The following TMEM132C variants were observed in gnomAD, a reference collection of about 807,000 sequenced individuals.
The protein encoded by TMEM132C is transmembrane protein 132C.
TMEM132C carries 29 observed loss-of-function variants against 61.4 expected under a neutral mutation model. The ratio of observed to expected loss-of-function variants is 0.47; its 90% CI spans 0.35 to 0.64. The LOEUF (loss-of-function observed/expected upper bound fraction) is 0.64, where lower values mean the gene tolerates loss of function less well. Ranked by LOEUF, TMEM132C falls within the 30% of genes least tolerant of loss-of-function variation. The pLI is 0.00. For missense variants in TMEM132C, 1,408 were observed against 1,476.9 expected, an observed-to-expected ratio of 0.95 and a Z score of 0.76; for synonymous variants, 656 against 633.1, an observed-to-expected ratio of 1.04 and a Z score of -0.54.
chr12:128,382,633 A>G (rs1025178588), intron 1 of TMEM132C, among the ~76,000 whole-genome samples: 3 of 152,194 alleles, frequency 2.0e-5, no homozygotes, highest in Admixed American at 2.0e-4. Context: ...CTCCAGCTTT[A>G]ATAATAATGA....
intron 4 of TMEM132C, among the ~76,000 whole-genome samples, chr12:128,631,609 G>A (rs1268780524): frequency 6.6e-6 from 1 of 152,172 alleles, no homozygotes; most frequent in Non-Finnish European, 1.5e-5. Flanking sequence ...GGAGCAGGTG[G>A]CAGAAACCCA....
intron 1 of TMEM132C, among the ~76,000 whole-genome samples, chr12:128,382,982 CTG>C (rs1208068110): frequency 6.6e-6 from 1 of 151,486 alleles, no homozygotes. Context: ...AGGTCTGTCT[CTG>C]TGTCTGTATG....
chr12:128,287,699 C>A (rs945992242), intron 1 of TMEM132C, among the ~76,000 whole-genome samples: 1 of 152,146 alleles, frequency 6.6e-6, no homozygotes, highest in South Asian at 2.1e-4. Flanking sequence ...CTCCTTTATT[C>A]GAATGTTTCC....
In TMEM132C at chr12:128,695,995, C is replaced by T; in HGVS notation, c.1821C>T (p.Asp607=). 1 of 1,551,804 alleles carries T rather than the reference C, an allele frequency of 6.4e-7. No individual in the cohort carries two copies. The highest frequency in any genetic ancestry group is 8.7e-7 in the Non-Finnish European group (1 of 1,147,022). ...NYLLSPNWQF[D]ITHLVADFMK... is the part of the protein sequence containing the mutation. Reference sequence around the variant, plus strand: ...TGCTTAGTCCTAACTGGCAGTTCGACATCACTCACCTGGTGGCAGACTTCA... The same window carrying T: ...TGCTTAGTCCTAACTGGCAGTTCGATATCACTCACCTGGTGGCAGACTTCA... Residue 607 remains aspartate, a synonymous_variant, in exon 7 of 9, where the codon GAC becomes GAT. Transcript: ENST00000435159.
chr12:128,446,050 C>CGGGGGAT (rs1319216046), intron 2 of TMEM132C, among the ~76,000 whole-genome samples: 3 of 152,174 alleles, frequency 2.0e-5, no homozygotes, highest in Non-Finnish European at 4.4e-5. Context: ...AGAAAAGCAA[C>CGGGGGAT]GGGGGATGGT....
chr12:128,535,504 G>C (rs753662046), intron 2 of TMEM132C, among the ~76,000 whole-genome samples: 8 of 152,138 alleles, frequency 5.3e-5, no homozygotes, highest in Non-Finnish European at 8.8e-5. Flanking sequence ...ATCATCACTT[G>C]CATCAAAGAA....
intron 2 of TMEM132C, among the ~76,000 whole-genome samples, chr12:128,533,998 C>T (rs1873426375): frequency 6.6e-6 from 1 of 151,898 alleles, no homozygotes; most frequent in South Asian, 2.1e-4. Flanking sequence ...CATACCCAGG[C>T]ACTCACACAC....
chr12:128,409,523 C>G (rs1162657477), intron 1 of TMEM132C, among the ~76,000 whole-genome samples: 2 of 152,130 alleles, frequency 1.3e-5, no homozygotes, highest in African/African-American at 4.8e-5. Flanking sequence ...GTTTCCAGTT[C>G]CTCCCATCTT....
intron 3 of TMEM132C, among the ~76,000 whole-genome samples, chr12:128,576,573 C>T (rs915997786): frequency 9.2e-5 from 14 of 152,314 alleles, no homozygotes; most frequent in Middle Eastern, 3.4e-3. Flanking sequence ...ATGATAATAG[C>T]GACATGCTTG....
chr12:128,658,476 A>G (rs538149432), intron 4 of TMEM132C, among the ~76,000 whole-genome samples: 71 of 151,506 alleles, frequency 4.7e-4, no homozygotes, highest in African/African-American at 1.7e-3. Flanking sequence ...TTCCCCAACC[A>G]ACTGCGCTTC....
At chr12:128,678,518 G>A (rs2094937912) in intron 5 of TMEM132C, among the ~76,000 whole-genome samples, 1 of 152,178 alleles carries the variant, frequency 6.6e-6, no homozygotes, top group Non-Finnish European at 1.5e-5. Context: ...GAAGCCCCAG[G>A]CCTACCCCAG....
At chr12:128,300,228 C>G (rs1358927912) in intron 1 of TMEM132C, among the ~76,000 whole-genome samples, 1 of 152,062 alleles carries the variant, frequency 6.6e-6, no homozygotes, top group Non-Finnish European at 1.5e-5. Context: ...AAAAGAGAAA[C>G]CGCTGTGATG....
chr12:128,390,361 C>A (rs548895438), intron 1 of TMEM132C, among the ~76,000 whole-genome samples: 1 of 152,282 alleles, frequency 6.6e-6, no homozygotes, highest in East Asian at 1.9e-4. Flanking sequence ...CCTGCTTTTT[C>A]CAGCTTCTAG....
chr12:128,397,618 C>T (rs1875007876), intron 1 of TMEM132C, among the ~76,000 whole-genome samples: 1 of 152,094 alleles, frequency 6.6e-6, no homozygotes, highest in African/African-American at 2.4e-5. Flanking sequence ...TTGCACTCGC[C>T]CCTCCCCTTG....
At chr12:128,313,189 A>T (rs1053647838) in intron 1 of TMEM132C, among the ~76,000 whole-genome samples, 2 of 152,228 alleles carry the variant, frequency 1.3e-5, no homozygotes, top group Non-Finnish European at 2.9e-5. Flanking sequence ...TTATGAAGCC[A>T]AATCTCCAGG....
chr12:128,308,491 G>A (rs1405559334), intron 1 of TMEM132C, among the ~76,000 whole-genome samples: 1 of 152,180 alleles, frequency 6.6e-6, no homozygotes, highest in African/African-American at 2.4e-5. Context: ...GCACAGCAGA[G>A]AAATTAGAAC....
intron 1 of TMEM132C, among the ~76,000 whole-genome samples, chr12:128,327,073 C>T (rs1442805625): frequency 6.7e-6 from 1 of 150,004 alleles, no homozygotes; most frequent in Non-Finnish European, 1.5e-5. Flanking sequence ...AGTGTCATAT[C>T]ACACCATTTA....
At chr12:128,532,242 T>C (rs1160860127) in intron 2 of TMEM132C, among the ~76,000 whole-genome samples, 2 of 152,190 alleles carry the variant, frequency 1.3e-5, no homozygotes, top group Non-Finnish European at 2.9e-5. Context: ...AATTTTGTTT[T>C]CTATAGCTCC....
chr12:128,665,949 GCA>G (rs904729277), intron 4 of TMEM132C, among the ~76,000 whole-genome samples: 78 of 98,792 alleles, frequency 7.9e-4, no homozygotes, highest in African/African-American at 2.9e-3. Flanking sequence ...ACAAACACAG[GCA>G]CACACACACA....
Sources: gnomAD v4.1 joint callset for allele counts (sites outside exome capture counted in the v4.1 genomes callset) on GRCh38, gnomAD v4.1.1 for gene constraint, MANE v1.5 for transcripts, NCBI Gene and HGNC (gene_info 2026-07-23, HGNC 2026-07-21) for gene names.